The following PCDHA3 variants were observed in gnomAD, a reference collection of about 807,000 sequenced individuals.
PCDHA3 encodes the protein protocadherin alpha-3.
PCDHA3 carries 41 observed loss-of-function variants against 62.2 expected under a neutral mutation model. That is an observed-to-expected ratio of 0.66 (90% confidence interval 0.51 to 0.86). The LOEUF is 0.86. Ranked by LOEUF, PCDHA3 falls within the 40% of genes least tolerant of loss-of-function variation. PCDHA3 has a pLI of 0.00. For synonymous variants in PCDHA3, 640 were observed against 555.4 expected (o/e 1.15, Z -2.14); for missense variants, 1,304 against 1,241.2 (o/e 1.05, Z -0.76).
intron 1 of PCDHA3, among the ~76,000 whole-genome samples, chr5:140,832,019 T>C (rs2150199217): frequency 4.6e-5 from 7 of 152,356 alleles, no homozygotes; most frequent in Non-Finnish European, 1.0e-4. Context: ...TACGTAAAGA[T>C]TGAATTTTTG....
At position 140,992,285 on chromosome 5, in the gene PCDHA3, A is replaced by G. The variant is rs114469876; in HGVS notation, c.2542+9722A>G. On this transcript the variant is annotated intron_variant, in intron 3 of 3. Transcript: ENST00000522353. ...AGTTCTTTTCGTAGCACATCCCTGCAAAGGATGGGAGTATTGTTTTGGTGG... is the reference window on the plus strand; with the variant it reads ...AGTTCTTTTCGTAGCACATCCCTGCGAAGGATGGGAGTATTGTTTTGGTGG... 2.6e-3 allele frequency among the ~76,000 whole-genome samples: 395 copies of G among 152,336 alleles called. 1 individual carries two copies. The highest frequency in any genetic ancestry group is 8.7e-3 in the African/African-American group (360 of 41,578).
intron 1 of PCDHA3, chr5:140,842,313 C>T (rs2150333932): frequency 2.5e-6 from 4 of 1,607,028 alleles, no homozygotes; most frequent in East Asian, 2.2e-5. Flanking sequence ...CCTCCCATGG[C>T]GGGTCATTGC....
At position 140,900,403 on chromosome 5, in the gene PCDHA3, A is replaced by G. The variant is rs569079456; in HGVS notation, c.2395-78546A>G. ...AGCGATTCTCCTGCCTCAGCCTCCC[A>G]AGTAGCTGGGATTATAGGCACGTGC... On this transcript the variant is annotated intron_variant, in intron 1 of 3. Coordinates refer to ENST00000522353, the MANE Select transcript of PCDHA3 (RefSeq NM_018906.3). 2.4e-3 allele frequency among the ~76,000 whole-genome samples: 360 copies of G among 152,066 alleles called. 1 individual carries two copies. Among genetic ancestry groups the G allele is most frequent in the African/African-American group, 8.1e-3 (336 of 41,500 alleles).
At chr5:140,975,045 A>G (rs1249490997) in intron 1 of PCDHA3, among the ~76,000 whole-genome samples, 1 of 152,112 alleles carries the variant, frequency 6.6e-6, no homozygotes, top group Non-Finnish European at 1.5e-5. Context: ...GGCTCTTAGG[A>G]AGAATCTACT....
intron 1 of PCDHA3, chr5:140,808,183 C>T (rs782261316): frequency 6.2e-7 from 1 of 1,614,172 alleles, no homozygotes; most frequent in Admixed American, 1.7e-5. Context: ...CACTTTCTGG[C>T]CATTGTAGAG....
intron 1 of PCDHA3, chr5:140,807,333 C>G (rs1286013089): frequency 6.2e-7 from 1 of 1,613,466 alleles, no homozygotes; most frequent in African/African-American, 1.3e-5. Flanking sequence ...GGCCGCATCG[C>G]GCAGGACCTG....
In PCDHA3 at chr5:140,992,699, T is replaced by A. The variant is rs149489820; in HGVS notation, c.2542+10136T>A. Among the ~76,000 whole-genome samples the A allele has an allele frequency of 7.6e-3, 1,153 of 152,282 alleles. 6 individuals carry two copies. The highest frequency in any genetic ancestry group is 0.014 in the Middle Eastern group (4 of 294). On this transcript the variant is annotated intron_variant, in intron 3 of 3. Transcript: ENST00000522353. ...GTGTTAGGGGTTGAGGGGTGGGTAA[T>A]GTTCCTGCCAGTATTCGTAAATCCC...
chr5:140,839,240 T>C (rs2150295728), intron 1 of PCDHA3, among the ~76,000 whole-genome samples: 1 of 152,152 alleles, frequency 6.6e-6, no homozygotes, highest in African/African-American at 2.4e-5. Context: ...TTTTATTGCT[T>C]TGCTTTTATG....
intron 1 of PCDHA3, among the ~76,000 whole-genome samples, chr5:140,905,776 G>A (rs190550917): frequency 2.4e-3 from 372 of 152,186 alleles, no homozygotes; most frequent in Non-Finnish European, 4.1e-3. Context: ...ATTCCGAAGT[G>A]TATTAGTCAG....
chr5:140,897,509 G>T (rs2153456975), intron 1 of PCDHA3, among the ~76,000 whole-genome samples: 1 of 152,062 alleles, frequency 6.6e-6, no homozygotes, highest in East Asian at 1.9e-4. Context: ...CCCTACAAAG[G>T]ACATGAACTC....
In PCDHA3 at chr5:140,870,897, G is replaced by A. The variant is rs372076650; in HGVS notation, c.2394+67306G>A. 4 of 1,613,942 alleles carry A rather than the reference G, an allele frequency of 2.5e-6. No individual in the cohort carries two copies. In the African/African-American group the frequency reaches 4.0e-5, roughly 16 times the overall value. Reference sequence around the variant, plus strand: ...TGGCGAAGGTGCGCGCAGTGGATGCGGACTCAGGCTACAACGCGTGGCTTT... The same window carrying A: ...TGGCGAAGGTGCGCGCAGTGGATGCAGACTCAGGCTACAACGCGTGGCTTT... On this transcript the variant is annotated intron_variant, in intron 1 of 3. Coordinates refer to ENST00000522353, the MANE Select transcript of PCDHA3 (RefSeq NM_018906.3).
intron 1 of PCDHA3, among the ~76,000 whole-genome samples, chr5:140,894,750 TTGTG>T (rs2064648260): frequency 6.6e-6 from 1 of 152,080 alleles, no homozygotes; most frequent in Admixed American, 6.5e-5. Context: ...ATTTTTTTTC[TTGTG>T]TGTATTTATT....
intron 1 of PCDHA3, chr5:140,857,244 C>A: frequency 6.3e-7 from 1 of 1,598,592 alleles, no homozygotes; most frequent in Admixed American, 1.7e-5. Flanking sequence ...CTGGTGTCCA[C>A]CTACAAGAAT....
At chr5:140,999,605 G>T (rs1587843541) in intron 3 of PCDHA3, among the ~76,000 whole-genome samples, 2 of 152,132 alleles carry the variant, frequency 1.3e-5, no homozygotes, top group Admixed American at 1.3e-4. Context: ...CATCCTGGGG[G>T]ACCTTATCAA....
At chr5:140,928,000 G>T (rs2084855141) in intron 1 of PCDHA3, 1 of 1,614,166 alleles carries the variant, frequency 6.2e-7, no homozygotes, top group Non-Finnish European at 8.5e-7. Context: ...TGAAGACCTC[G>T]ATTCTAATGG....
At chr5:140,926,519 C>T (rs2083298131) in intron 1 of PCDHA3, 1 of 204,364 alleles carries the variant, frequency 4.9e-6, no homozygotes, top group Non-Finnish European at 9.7e-6. Flanking sequence ...AGGCTCCGCC[C>T]TGCGCCCGCA....
intron 1 of PCDHA3, chr5:140,848,856 G>T: frequency 1.3e-6 from 2 of 1,590,682 alleles, no homozygotes; most frequent in South Asian, 2.2e-5. Context: ...CCATGTGGAC[G>T]TGGAGGTGAA....
intron 1 of PCDHA3, chr5:140,828,939 G>A: frequency 6.2e-7 from 1 of 1,614,232 alleles, no homozygotes; most frequent in Non-Finnish European, 8.5e-7. Context: ...TCTTTTAATA[G>A]CCTTGTTGCA....
chr5:140,993,631 G>C (rs1466996708), intron 3 of PCDHA3, among the ~76,000 whole-genome samples: 1 of 152,046 alleles, frequency 6.6e-6, no homozygotes, highest in African/African-American at 2.4e-5. Context: ...ATATATAGTC[G>C]TGTACCAAAT....
Sources: gnomAD v4.1 joint callset for allele counts (sites outside exome capture counted in the v4.1 genomes callset) on GRCh38, gnomAD v4.1.1 for gene constraint, MANE v1.5 for transcripts, NCBI Gene and HGNC (gene_info 2026-07-23, HGNC 2026-07-21) for gene names.